Variants in ATXN2 observed in about 807,000 individuals in gnomAD.
ATXN2 encodes the protein ataxin 2, also known as ataxin-2.
ATXN2 carries 37 observed loss-of-function variants against 138.6 expected under a neutral mutation model. The observed-to-expected ratio is 0.27, with a 90% CI of 0.21 to 0.35. The LOEUF is 0.35. ATXN2 is among the 10% of genes least tolerant of loss of function. The pLI, the probability that ATXN2 is intolerant of heterozygous loss-of-function variation, is 1.00. For missense variants in ATXN2, 1,216 were observed against 1,480.3 expected (o/e 0.82, Z 2.93); for synonymous variants, 549 against 543.7 (o/e 1.01, Z -0.13).
intron 14 of ATXN2, among the ~76,000 whole-genome samples, chr12:111,499,675 A>G (rs978553018): frequency 6.6e-6 from 1 of 152,006 alleles, no homozygotes; most frequent in Non-Finnish European, 1.5e-5. Context: ...CTCTGTCTCA[A>G]AAACAAAACA....
intron 5 of ATXN2, among the ~76,000 whole-genome samples, chr12:111,547,300 G>A (rs572615995): frequency 6.6e-6 from 1 of 152,268 alleles, no homozygotes; most frequent in South Asian, 2.1e-4. Context: ...GGTGGCAGAC[G>A]CCTATAATCC....
chr12:111,489,869 T>TA (rs1315286112), intron 14 of ATXN2, among the ~76,000 whole-genome samples: 23 of 152,122 alleles, frequency 1.5e-4, no homozygotes, highest in African/African-American at 5.1e-4. Flanking sequence ...CAGAAAATGA[T>TA]AGACTCGTCA....
chr12:111,598,996 C>CTGCTGCTGCTGCTGCTGCTGCTGCTGT lies in ATXN2; in HGVS notation c.38_39insACAGCAGCAGCAGCAGCAGCAGCAGCA (p.Gln20_Gln28dup), dbSNP rs1885110018. On this transcript the variant is annotated inframe_insertion, in exon 1 of 25. Transcript: ENST00000673436. This position sits in a 1 kb window ranked among gnomAD's most constrained non-coding sequence, Gnocchi z 4.5. ...GCTGCTGTTGCTGCTGCTGCTGCTGCTGCTGCTGCTGCTGCTGCTGCTGGG... is the reference window on the plus strand; with the variant it reads ...GCTGCTGTTGCTGCTGCTGCTGCTGCTGCTGCTGCTGCTGCTGCTGCTGCTGTTGCTGCTGCTGCTGCTGCTGCTGGG... The CTGCTGCTGCTGCTGCTGCTGCTGCTGT allele has an allele frequency of 1.1e-6, 1 of 927,986 alleles. No homozygotes were observed. The highest frequency in any genetic ancestry group is 2.3e-5 in the African/African-American group (1 of 43,858). The allele number at this position is 927,986 out of a possible 1,614,324, so 57.5% of individuals were successfully genotyped here. A position where few individuals can be genotyped will look rare whatever the true frequency, so the allele number is the denominator to read the frequency against.
intron 18 of ATXN2, 56 bp downstream of exon 18, chr12:111,485,209 T>C: frequency 6.7e-7 from 1 of 1,486,722 alleles, no homozygotes; most frequent in South Asian, 1.2e-5. Context: ...TAAACTTAGT[T>C]ACTCAATTCA....
chr12:111,581,309 C>T (rs1373800088), intron 1 of ATXN2: 20 of 515,444 alleles, frequency 3.9e-5, no homozygotes, highest in African/African-American at 7.7e-5. Flanking sequence ...ATCCAAACTA[C>T]CAGGGAAAGG....
chr12:111,470,040 T>C (rs991129546), intron 20 of ATXN2, 68 bp downstream of exon 20: 73 of 1,494,902 alleles, frequency 4.9e-5, no homozygotes, highest in Non-Finnish European at 6.4e-5. Flanking sequence ...TTAGATAGAG[T>C]ATGTTTTCAG....
intron 5 of ATXN2, among the ~76,000 whole-genome samples, chr12:111,542,586 C>T (rs1363787125): frequency 6.6e-6 from 1 of 152,172 alleles, no homozygotes; most frequent in Admixed American, 6.5e-5. Context: ...CTCACCTCAG[C>T]CCACCAAGTA....
chr12:111,570,117 C>A (rs1883231345), intron 1 of ATXN2, among the ~76,000 whole-genome samples: 1 of 152,172 alleles, frequency 6.6e-6, no homozygotes, highest in Non-Finnish European at 1.5e-5. Context: ...TTCCCATCTT[C>A]TCGAGTTCTC....
chr12:111,565,468 T>C (rs1439809829), intron 1 of ATXN2, among the ~76,000 whole-genome samples: 2 of 152,198 alleles, frequency 1.3e-5, no homozygotes, highest in Admixed American at 6.5e-5. Flanking sequence ...AAAGAAAAGA[T>C]TGTATTTTAC....
At chr12:111,566,668 C>T (rs1043199242) in intron 1 of ATXN2, among the ~76,000 whole-genome samples, 1 of 150,106 alleles carries the variant, frequency 6.7e-6, no homozygotes, top group African/African-American at 2.5e-5. Context: ...TAGAGTTTCG[C>T]TCCTGTTGCC....
At chr12:111,491,646 C>A (rs1328910204) in intron 14 of ATXN2, among the ~76,000 whole-genome samples, 1 of 152,190 alleles carries the variant, frequency 6.6e-6, no homozygotes. Flanking sequence ...ATATTCTGGA[C>A]CAGAAGGGAA....
chr12:111,581,331 T>C (rs955107225), intron 1 of ATXN2: 7 of 544,820 alleles, frequency 1.3e-5, no homozygotes, highest in South Asian at 3.9e-5. Context: ...AGGGGCCCAC[T>C]GAGAACCACC....
At chr12:111,532,933 G>GC (rs555413209) in intron 5 of ATXN2, among the ~76,000 whole-genome samples, 106 of 151,518 alleles carry the variant, frequency 7.0e-4, no homozygotes, top group African/African-American at 2.5e-3. Flanking sequence ...TAACTAATCA[G>GC]CCCCCCAGTG....
At chr12:111,485,085 TCCCC>T in intron 18 of ATXN2, 176 bp downstream of exon 18, 5 of 547,226 alleles carry the variant, frequency 9.1e-6, no homozygotes, top group Non-Finnish European at 1.6e-5. Flanking sequence ...GCATTTTTTC[TCCCC>T]TGTTTTTCTT....
At chr12:111,524,836 A>G (rs1028409499) in intron 6 of ATXN2, among the ~76,000 whole-genome samples, 5 of 152,210 alleles carry the variant, frequency 3.3e-5, no homozygotes, top group African/African-American at 1.2e-4. Context: ...CAATTAAGAC[A>G]CCACTTTCCT....
chr12:111,516,038 A>G lies in ATXN2; in HGVS notation c.1375+116T>C, dbSNP rs1306995607. 6.9e-6 allele frequency: 7 copies of G among 1,015,358 alleles called. No individual in the cohort carries two copies. In the African/African-American group the frequency reaches 1.2e-4, roughly 17 times the overall value. The allele number at this position is 1,015,358 out of a possible 1,614,324, so 62.9% of individuals were successfully genotyped here. A position where few individuals can be genotyped will look rare whatever the true frequency, so the allele number is the denominator to read the frequency against. ...GAAATAGTTTTAATAAACTAAAGTTAAAACACAGAAATTATAGGTTATTAA... is the reference window on the plus strand; with the variant it reads ...GAAATAGTTTTAATAAACTAAAGTTGAAACACAGAAATTATAGGTTATTAA... On this transcript the variant is annotated intron_variant, in intron 10 of 24. Coordinates refer to ENST00000673436, the MANE Select transcript of ATXN2 (RefSeq NM_001372574.1). The surrounding 1 kb of genome is among the most constrained non-coding windows in gnomAD (Gnocchi z 5.0).
chr12:111,596,949 T>TG (rs143599937), intron 1 of ATXN2, among the ~76,000 whole-genome samples: 15,618 of 152,198 alleles, frequency 0.1, 2,666 homozygotes, highest in African/African-American at 0.35. Context: ...ACATGTTGAA[T>TG]TATCTGCCAA....
chr12:111,456,376 G>A (rs1036417184), intron 22 of ATXN2, 120 bp from the exon 23 acceptor site: 2 of 1,054,644 alleles, frequency 1.9e-6, no homozygotes, highest in Non-Finnish European at 2.8e-6. Context: ...GGAAAGTACA[G>A]GAGAATGTAC....
upstream of ATXN2, chr12:111,599,318 C>CGGGA (rs1566091842): frequency 7.0e-6 from 3 of 426,138 alleles, no homozygotes; most frequent in Non-Finnish European, 5.4e-6. Flanking sequence ...CGAGCTCTGC[C>CGGGA]GGGAGGGAGG....
Sources: gnomAD v4.1 joint callset for allele counts (sites outside exome capture counted in the v4.1 genomes callset) on GRCh38, gnomAD v4.1.1 for gene constraint, Gnocchi (gnomAD v3.1) non-coding constraint, MANE v1.5 for transcripts, NCBI Gene and HGNC (gene_info 2026-07-23, HGNC 2026-07-21) for gene names.